DNAH14: variants seen among roughly 807,000 people sequenced by gnomAD.
DNAH14 encodes the protein axonemal beta dynein heavy chain 14.
A neutral mutation model predicts 520.9 loss-of-function variants in DNAH14; 478 were observed. The ratio of observed to expected loss-of-function variants is 0.92; its 90% CI spans 0.85 to 0.99. DNAH14 has a LOEUF of 0.99. Among genes scored for constraint, DNAH14 ranks in the 50% least tolerant of loss-of-function variants. DNAH14 has a pLI of 0.00. For missense variants in DNAH14, 4,831 were observed against 5,234.5 expected (o/e 0.92, Z 2.38); for synonymous variants, 1,581 against 1,757.2 (o/e 0.90, Z 2.51).
chr1:225,126,380 T>A (rs1217906570), intron 27 of DNAH14, among the ~76,000 whole-genome samples: 3 of 152,234 alleles, frequency 2.0e-5, no homozygotes, highest in African/African-American at 7.2e-5. Flanking sequence ...TGCCACAATT[T>A]CAGATCCTGT....
In DNAH14 at chr1:224,936,853, TA is replaced by T. The variant is rs527389297; in HGVS notation, c.-34+7025del. Among the ~76,000 whole-genome samples, 3 of 151,844 alleles carry T rather than the reference TA, an allele frequency of 2.0e-5. No individual in the cohort carries two copies. The East Asian group carries it at 5.8e-4, about 29-fold the overall frequency. ...TAGCAAAATGAATTCAACAACACAT[TA>T]AAAAAATTATTCTCCATGATCAATT... On this transcript the variant is annotated intron_variant, in intron 1 of 85. Transcript: ENST00000682510.
chr1:225,299,545 G>A (rs1254872676), intron 55 of DNAH14, among the ~76,000 whole-genome samples: 5 of 152,042 alleles, frequency 3.3e-5, no homozygotes, highest in Non-Finnish European at 7.4e-5. Context: ...ATCCAGTTGA[G>A]GTTTCTGCCA....
chr1:225,118,114 A>T lies in DNAH14; in HGVS notation c.4091+115A>T, dbSNP rs189345006. 3.8e-6 allele frequency: 3 copies of T among 797,426 alleles called. No individual in the cohort carries two copies. In the Admixed American group the frequency reaches 6.0e-5, roughly 16 times the overall value. 49.4% of individuals were successfully genotyped at this position (797,426 alleles called of 1,614,324 possible). On this transcript the variant is annotated intron_variant, in intron 25 of 85. Transcript: ENST00000682510. Reference sequence around the variant, plus strand: ...CGCTAAGCAAACTGTTTCTTCAAAGATTATATCCTTACGTAAATATACTTT... The same window carrying T: ...CGCTAAGCAAACTGTTTCTTCAAAGTTTATATCCTTACGTAAATATACTTT...
intron 42 of DNAH14, among the ~76,000 whole-genome samples, chr1:225,234,580 A>G (rs2091424121): frequency 1.3e-5 from 2 of 152,180 alleles, no homozygotes; most frequent in Admixed American, 1.3e-4. Context: ...AGTTCTGTGA[A>G]GAATGTCGAT....
At position 225,182,621 on chromosome 1, in the gene DNAH14, C is replaced by T. The variant is rs139353787; in HGVS notation, c.5536-2670C>T. Among the ~76,000 whole-genome samples, 238 of 152,298 alleles carry T rather than the reference C, an allele frequency of 1.6e-3. 2 individuals are homozygous for T. The highest frequency in any genetic ancestry group is 5.4e-3 in the African/African-American group (226 of 41,562). ...ACTGCCTACACTAGCCCTACCCCAA[C>T]CCCAGGCAGCACGGAGCCCAGGGAA... On this transcript the variant is annotated intron_variant, in intron 36 of 85. Coordinates refer to ENST00000682510, the MANE Select transcript of DNAH14 (RefSeq NM_001367479.1).
chr1:225,185,832 C>T (rs2084636551), intron 37 of DNAH14, among the ~76,000 whole-genome samples: 2 of 151,048 alleles, frequency 1.3e-5, no homozygotes, highest in East Asian at 2.0e-4. Flanking sequence ...AATATTTCTT[C>T]CTTACTTTAT....
At chr1:225,024,996 C>T (rs542226007) in intron 11 of DNAH14, among the ~76,000 whole-genome samples, 124 of 151,984 alleles carry the variant, frequency 8.2e-4, no homozygotes, top group Middle Eastern at 3.4e-3. Context: ...ATTTATAGCT[C>T]GTTTTTTAAA....
chr1:225,260,391 G>A lies in DNAH14; in HGVS notation c.7157+1138G>A, dbSNP rs2092894187. On this transcript the variant is annotated intron_variant, in intron 46 of 85. Transcript: ENST00000682510. ...AATCCATTCAGCCATTGAACACTTA[G>A]GGTGAGCCTATATCTTGTCTGTTGT... is the stretch of plus-strand genomic sequence containing the variant. 2.0e-5 allele frequency among the ~76,000 whole-genome samples: 3 copies of A among 152,050 alleles called. No homozygotes were observed. The South Asian group carries it at 6.2e-4, about 32-fold the overall frequency.
chr1:225,080,609 G>C lies in DNAH14; in HGVS notation c.2997G>C (p.Arg999Ser), dbSNP rs1392247143. The change falls in exon 19 of 86, where the codon AGG becomes AGC. Residue 999 changes from arginine (R) to serine (S), a missense_variant. Transcript: ENST00000682510. ...ISDIEGDLTL[R>S]KKLWEAQEEW... The stretch of plus-strand genomic sequence containing the variant: ...ACATTGAAGGTGACTTGACTTTGAG[G>C]AAAAAACTATGGGAAGCACAAGAGG... The C allele has an allele frequency of 6.4e-7, 1 of 1,551,992 alleles. No individual in the cohort carries two copies. The highest frequency in any genetic ancestry group is 1.2e-5 in the South Asian group (1 of 84,018).
chr1:225,130,350 C>T (rs2078256358), intron 27 of DNAH14, among the ~76,000 whole-genome samples: 1 of 151,966 alleles, frequency 6.6e-6, no homozygotes, highest in Middle Eastern at 3.2e-3. Context: ...AATCATGCTG[C>T]TATAAAGACA....
chr1:225,082,474 CTTA>C, intron 19 of DNAH14, 72 bp from the exon 20 acceptor site: 2 of 1,163,416 alleles, frequency 1.7e-6, no homozygotes, highest in African/African-American at 3.2e-5. Flanking sequence ...AGAAAAAAAT[CTTA>C]TTTTCTCAAT....
intron 9 of DNAH14, 48 bp from the exon 10 acceptor site, chr1:225,007,365 T>C (rs1366073498): frequency 7.2e-7 from 1 of 1,393,994 alleles, no homozygotes; most frequent in Non-Finnish European, 9.4e-7. Flanking sequence ...CTTTTTTAAA[T>C]ATGAATTTTG....
intron 36 of DNAH14, among the ~76,000 whole-genome samples, chr1:225,177,275 C>T (rs2083438876): frequency 6.6e-6 from 1 of 152,144 alleles, no homozygotes; most frequent in African/African-American, 2.4e-5. Flanking sequence ...AATTTCTAAG[C>T]AGCAAAGCAT....
In DNAH14 at chr1:225,207,143, T is replaced by A. The variant is rs2087681611; in HGVS notation, c.6362T>A (p.Ile2121Lys). The change falls in exon 41 of 86, where the codon ATA becomes AAA. Residue 2121 changes from isoleucine (I) to lysine (K), a missense_variant. Transcript: ENST00000682510. The stretch of plus-strand genomic sequence containing the variant: ...TTTCAGCCATATCCTATGGAGGACA[T>A]AACAGTCGTCATAACCCTCTGCAGA... ...QKFQPYPMED[I>K]TVVITLCRIL... 6.4e-7 allele frequency: 1 copy of A among 1,550,862 alleles called. No homozygotes were observed. Among genetic ancestry groups the A allele is most frequent in the African/African-American group, 1.4e-5 (1 of 73,034 alleles).
chr1:225,106,943 G>C (rs538928381), intron 23 of DNAH14, among the ~76,000 whole-genome samples: 162 of 152,296 alleles, frequency 1.1e-3, no homozygotes, highest in African/African-American at 3.4e-3. Flanking sequence ...TTCTTTGGAG[G>C]AGAGGCGCTC....
Position 225,080,447 on chromosome 1 carries a change from C to T in DNAH14, c.2835C>T (p.Leu945=). 1.3e-6 allele frequency: 2 copies of T among 1,551,582 alleles called. No individual in the cohort carries two copies. Among genetic ancestry groups the T allele is most frequent in the South Asian group, 2.4e-5 (2 of 84,028 alleles). ...VSTAMEMIQT[L]SGEAASLTNK... ...CAGCAATGGAAATGATCCAGACTCTCTCAGGGGAAGCTGCAAGTTTAACTA... is the reference window on the plus strand; with the variant it reads ...CAGCAATGGAAATGATCCAGACTCTTTCAGGGGAAGCTGCAAGTTTAACTA... The change falls in exon 19 of 86, where the codon CTC becomes CTT. Residue 945 remains leucine (L), a synonymous_variant. Coordinates refer to ENST00000682510, the MANE Select transcript of DNAH14 (RefSeq NM_001367479.1).
At chr1:224,993,919 T>C (rs1246901190) in intron 8 of DNAH14, among the ~76,000 whole-genome samples, 1 of 152,110 alleles carries the variant, frequency 6.6e-6, no homozygotes, top group Non-Finnish European at 1.5e-5. Flanking sequence ...AAATTTCATT[T>C]TTAATTTCTT....
chr1:225,082,454 C>A, intron 19 of DNAH14, 95 bp from the exon 20 acceptor site: 1 of 1,039,044 alleles, frequency 9.6e-7, no homozygotes, highest in Non-Finnish European at 1.3e-6. Context: ...TAGTTTTTAA[C>A]AAATTTTAAA....
chr1:225,036,722 C>A (rs553238843), intron 11 of DNAH14, among the ~76,000 whole-genome samples: 2 of 152,280 alleles, frequency 1.3e-5, no homozygotes, highest in East Asian at 3.9e-4. Context: ...TCCCTCTGTG[C>A]CTGAGCTGTC....
Sources: allele counts gnomAD v4.1 joint callset (sites outside exome capture counted in the v4.1 genomes callset), GRCh38; gene constraint gnomAD v4.1.1; transcripts MANE v1.5; gene names NCBI Gene and HGNC (gene_info 2026-07-23, HGNC 2026-07-21).